The following MGAM2 variants were observed in gnomAD, a reference collection of about 807,000 sequenced individuals.
MGAM2 encodes probable maltase-glucoamylase 2.
MGAM2 carries 98 observed loss-of-function variants against 96.1 expected under a neutral mutation model. The ratio of observed to expected loss-of-function variants is 1.02; its 90% CI spans 0.87 to 1.21. The LOEUF (loss-of-function observed/expected upper bound fraction) is 1.21, where lower values mean the gene tolerates loss of function less well. MGAM2 is among the 50% of genes most tolerant of loss of function. The pLI is 0.00. For missense variants in MGAM2, 2,055 were observed against 1,182.4 expected, an observed-to-expected ratio of 1.74 and a Z score of -10.82; for synonymous variants, 749 against 414.8, an observed-to-expected ratio of 1.81 and a Z score of -9.79.
At chr7:142,210,515 G>A (rs1328193676) in intron 46 of MGAM2, among the ~76,000 whole-genome samples, 4 of 152,270 alleles carry the variant, frequency 2.6e-5, no homozygotes, top group Non-Finnish European at 5.9e-5. Context: ...AGGGGCATCC[G>A]CCATTACTGA....
At chr7:142,162,811 A>G (rs772050409) in intron 23 of MGAM2, among the ~76,000 whole-genome samples, 3 of 151,790 alleles carry the variant, frequency 2.0e-5, no homozygotes, top group Non-Finnish European at 2.9e-5. Context: ...AGTTTCTCCT[A>G]TGGTAACATC....
rs1453410662 is a variant in MGAM2 at position 142,131,067 on chromosome 7, C to T, written c.306C>T (p.Ser102=). The change falls in exon 4 of 48, where the codon AGC becomes AGT. Residue 102 remains serine (S), a synonymous_variant. Coordinates refer to ENST00000477922, the MANE Select transcript of MGAM2 (RefSeq NM_001293626.2). ...CCAGCAATGGCCATACAAATACAAG[C>T]ACAGGTGAGCACTGCCCTGATGTTG... The part of the protein sequence containing the change: ...YEASNGHTNT[S]TGFTAQLKRL... 1.4e-6 allele frequency: 1 copy of T among 702,530 alleles called. No homozygotes were observed. Among genetic ancestry groups the T allele is most frequent in the Admixed American group, 2.0e-5 (1 of 49,998 alleles). 43.5% of individuals were successfully genotyped at this position (702,530 alleles called of 1,614,324 possible). A position where few individuals can be genotyped will look rare whatever the true frequency, so the allele number is the denominator to read the frequency against.
At chr7:142,165,117 A>C in intron 24 of MGAM2, 94 bp downstream of exon 24, 1 of 559,970 alleles carries the variant, frequency 1.8e-6, no homozygotes, top group Non-Finnish European at 3.1e-6. Context: ...GCAGTCAGAC[A>C]CAACTGACTT....
chr7:142,209,112 C>A (rs533262398), intron 46 of MGAM2, among the ~76,000 whole-genome samples: 1 of 151,942 alleles, frequency 6.6e-6, no homozygotes, highest in Admixed American at 6.6e-5. Flanking sequence ...GTCTATTGGG[C>A]TGTTTAGGTA....
intron 37 of MGAM2, among the ~76,000 whole-genome samples, chr7:142,194,114 C>T (rs1379772545): frequency 6.6e-6 from 1 of 151,876 alleles, no homozygotes. Flanking sequence ...CTCACTGCAA[C>T]CTCCATCTCC....
At chr7:142,129,809 G>T (rs1794831309) in intron 3 of MGAM2, among the ~76,000 whole-genome samples, 1 of 40,228 alleles carries the variant, frequency 2.5e-5, no homozygotes, top group Non-Finnish European at 5.1e-5. Flanking sequence ...TGGGCAACAA[G>T]AACAAAACTC....
At chr7:142,191,022 C>A (rs187705040) in intron 37 of MGAM2, among the ~76,000 whole-genome samples, 107 of 152,100 alleles carry the variant, frequency 7.0e-4, no homozygotes, top group African/African-American at 2.5e-3. Flanking sequence ...GTAGTCCCAG[C>A]TACTCGAGAG....
chr7:142,189,525 A>G lies in MGAM2; in HGVS notation c.4346+20A>G. On this transcript the variant is annotated intron_variant, in intron 37 of 47. Coordinates refer to ENST00000477922, the MANE Select transcript of MGAM2 (RefSeq NM_001293626.2). ...ATACGAGTGAGTGTCTTTTTGTCACAGCAGCAAAGATAATTTTCCACATCA... is the reference window on the plus strand; with the variant it reads ...ATACGAGTGAGTGTCTTTTTGTCACGGCAGCAAAGATAATTTTCCACATCA... 1 of 713,572 alleles carries G rather than the reference A, an allele frequency of 1.4e-6. No homozygotes were observed. The highest frequency in any genetic ancestry group is 2.5e-6 in the Non-Finnish European group (1 of 406,152). The allele number at this position is 713,572 out of a possible 1,614,324, so 44.2% of individuals were successfully genotyped here. A position where few individuals can be genotyped will look rare whatever the true frequency, so the allele number is the denominator to read the frequency against.
chr7:142,214,058 A>G (rs1797673351), intron 46 of MGAM2, among the ~76,000 whole-genome samples: 1 of 152,232 alleles, frequency 6.6e-6, no homozygotes, highest in African/African-American at 2.4e-5. Flanking sequence ...GACAAAAACC[A>G]CATGATTATC....
intron 37 of MGAM2, among the ~76,000 whole-genome samples, chr7:142,195,314 G>A (rs1196854797): frequency 7.1e-6 from 1 of 140,066 alleles, no homozygotes; most frequent in African/African-American, 2.7e-5. Flanking sequence ...GATTACATGT[G>A]TGAGTTTCTG....
chr7:142,136,035 A>G (rs548695335), intron 7 of MGAM2, among the ~76,000 whole-genome samples: 6 of 152,298 alleles, frequency 3.9e-5, no homozygotes, highest in African/African-American at 1.2e-4. Flanking sequence ...TTAAGTGTGC[A>G]ATTCAATGAC....
In MGAM2 at chr7:142,174,715, CTTTTT is replaced by C. The variant is rs34480300; in HGVS notation, c.3688-923_3688-919del. On this transcript the variant is annotated intron_variant, in intron 31 of 47. Transcript: ENST00000477922. ...ATGCCCTTTATTTCTCTCTCTCTCT[CTTTTT>C]TTTTTTTTTTTTTGAGTTGGAGTCT... is the stretch of plus-strand genomic sequence containing the variant. 5.4e-4 allele frequency among the ~76,000 whole-genome samples: 46 copies of C among 85,446 alleles called. 1 individual carries two copies. The highest frequency in any genetic ancestry group is 2.4e-3 in the African/African-American group (42 of 17,584). 56.1% of individuals were successfully genotyped at this position (85,446 alleles called of 152,430 possible).
rs184889455 is a variant in MGAM2, at chr7:142,149,324, G to A, written c.1634+1751G>A. ...CTGTGTGCCTGGATCTTTTCCATCA[G>A]CTCTTTCACTATTGATGATTCTTAG... On this transcript the variant is annotated intron_variant, in intron 15 of 47. Coordinates refer to ENST00000477922, the MANE Select transcript of MGAM2 (RefSeq NM_001293626.2). Among the ~76,000 whole-genome samples the A allele has an allele frequency of 2.6e-5, 4 of 152,146 alleles. No homozygotes were observed. In the East Asian group the frequency reaches 7.7e-4, roughly 29 times the overall value.
At chr7:142,180,978 A>G (rs898490026) in intron 32 of MGAM2, among the ~76,000 whole-genome samples, 1 of 152,190 alleles carries the variant, frequency 6.6e-6, no homozygotes, top group Non-Finnish European at 1.5e-5. Context: ...GAGTTTCAAC[A>G]TTCTCCTGAA....
intron 1 of MGAM2, among the ~76,000 whole-genome samples, chr7:142,114,141 A>AGAAAGAAAGAAG (rs1310218097): frequency 1.7e-5 from 2 of 118,662 alleles, no homozygotes; most frequent in Admixed American, 9.2e-5. Context: ...AAAAAAAGAA[A>AGAAAGAAAGAAG]GAAAGAAAGA....
chr7:142,161,335 A>C, intron 22 of MGAM2, 122 bp downstream of exon 22: 1 of 528,700 alleles, frequency 1.9e-6, no homozygotes. Flanking sequence ...TGTAGCTGAG[A>C]ATCAACGGGT....
chr7:142,165,156 G>C (rs545634069), intron 24 of MGAM2, 133 bp downstream of exon 24: 1 of 514,866 alleles, frequency 1.9e-6, no homozygotes, highest in African/African-American at 2.0e-5. Flanking sequence ...TCACAGAAAG[G>C]ATGCAGGAGA....
intron 37 of MGAM2, among the ~76,000 whole-genome samples, chr7:142,195,517 G>A (rs1031331229): frequency 1.0e-4 from 11 of 104,988 alleles, no homozygotes; most frequent in African/African-American, 2.1e-4. Context: ...CACCACACCC[G>A]GCTAATTTTT....
intron 6 of MGAM2, among the ~76,000 whole-genome samples, chr7:142,132,768 A>G (rs1441048290): frequency 6.4e-5 from 8 of 125,636 alleles, no homozygotes; most frequent in African/African-American, 2.6e-4. Context: ...ATATATAATT[A>G]TATAATATAA....
Sources: gnomAD v4.1 joint callset for allele counts (sites outside exome capture counted in the v4.1 genomes callset) on GRCh38, gnomAD v4.1.1 for gene constraint, MANE v1.5 for transcripts, NCBI Gene and HGNC (gene_info 2026-07-23, HGNC 2026-07-21) for gene names.